The following EBF1 variants were observed in gnomAD, a reference collection of about 807,000 sequenced individuals.
The protein encoded by EBF1 is EBF transcription factor 1, also known as transcription factor COE1.
EBF1 carries 10 observed loss-of-function variants against 68.4 expected under a neutral mutation model. That is an observed-to-expected ratio of 0.15 (90% CI 0.09 to 0.25). The LOEUF is 0.25. Among genes scored for constraint, EBF1 ranks in the 10% least tolerant of loss-of-function variants. The pLI, the probability that EBF1 is intolerant of heterozygous loss-of-function variation, is 1.00. For synonymous variants in EBF1, 298 were observed against 299.8 expected (o/e 0.99, Z 0.06); for missense variants, 509 against 794.4 (o/e 0.64, Z 4.32).
At chr5:159,078,714 C>T (rs1779236147) in intron 5 of EBF1, among the ~76,000 whole-genome samples, 2 of 152,186 alleles carry the variant, frequency 1.3e-5, no homozygotes, top group Admixed American at 1.3e-4. Context: ...CAGTCTCAGG[C>T]GTTGGTAGCC....
chr5:159,068,101 G>A (rs1038720466), intron 6 of EBF1, among the ~76,000 whole-genome samples: 1 of 152,098 alleles, frequency 6.6e-6, no homozygotes, highest in South Asian at 2.1e-4. Context: ...AAAACTGGAT[G>A]AAGACCAAAA....
chr5:158,696,583 C>T lies in EBF1; in HGVS notation c.*2528G>A, dbSNP rs866355607. On this transcript the variant is annotated 3_prime_UTR_variant, in exon 16 of 16. Coordinates refer to ENST00000313708, the MANE Select transcript of EBF1 (RefSeq NM_024007.5). ...CGCTTACCACGCAAATTCAGATAAC[C>T]TTTCTGAGTACCGAGAAGCAATGCG... 1 of 222,446 alleles carries T rather than the reference C, an allele frequency of 4.5e-6. No individual in the cohort carries two copies. The highest frequency in any genetic ancestry group is 5.7e-5 in the Admixed American group (1 of 17,420). The allele number at this position is 222,446 out of a possible 1,614,324, so 13.8% of individuals were successfully genotyped here.
rs1185208920 is a variant in EBF1 at position 158,698,905 on chromosome 5, C to CTT, written c.*204_*205dup. On this transcript the variant is annotated 3_prime_UTR_variant, in exon 16 of 16. Transcript: ENST00000313708. ...TCCCCCAAATACTTGGGAGGTACAACTTTAACCAACACCCTGCACTTGCAG... is the reference window on the plus strand; with the variant it reads ...TCCCCCAAATACTTGGGAGGTACAACTTTTTAACCAACACCCTGCACTTGCAG... The CTT allele has an allele frequency of 2.2e-6, 1 of 452,738 alleles. No individual in the cohort carries two copies. Among genetic ancestry groups the CTT allele is most frequent in the Non-Finnish European group, 3.9e-6 (1 of 254,382 alleles). The allele number at this position is 452,738 out of a possible 1,614,324, so 28.0% of individuals were successfully genotyped here.
intron 5 of EBF1, among the ~76,000 whole-genome samples, chr5:159,075,006 C>T (rs183946709): frequency 5.3e-5 from 8 of 152,324 alleles, no homozygotes; most frequent in African/African-American, 1.9e-4. Context: ...TCCTTCATCC[C>T]TGAACTCTGA....
intron 7 of EBF1, among the ~76,000 whole-genome samples, chr5:158,835,105 T>G (rs1168254234): frequency 6.6e-6 from 1 of 152,194 alleles, no homozygotes; most frequent in Non-Finnish European, 1.5e-5. Flanking sequence ...TGCTAAAAAG[T>G]ATAGGTCTTA....
intron 6 of EBF1, among the ~76,000 whole-genome samples, chr5:159,026,745 A>G (rs968101341): frequency 6.6e-6 from 1 of 152,166 alleles, no homozygotes; most frequent in African/African-American, 2.4e-5. Flanking sequence ...TCAGATCAGC[A>G]GATAGTTGAT....
intron 10 of EBF1, among the ~76,000 whole-genome samples, chr5:158,775,767 C>CACATGCACACAG: frequency 7.5e-6 from 1 of 133,726 alleles, no homozygotes. Context: ...CACACACACA[C>CACATGCACACAG]ACACACATGC....
chr5:159,088,173 A>T (rs1172846341), intron 4 of EBF1, among the ~76,000 whole-genome samples: 1 of 152,120 alleles, frequency 6.6e-6, no homozygotes, highest in Non-Finnish European at 1.5e-5. Flanking sequence ...TGTTAAACAC[A>T]CATACACACA....
intron 4 of EBF1, among the ~76,000 whole-genome samples, chr5:159,092,510 A>G (rs1315130886): frequency 1.3e-5 from 2 of 152,222 alleles, no homozygotes; most frequent in Non-Finnish European, 2.9e-5. Flanking sequence ...CACTTTGAAA[A>G]GGTGTGAAAT....
chr5:158,745,221 G>A (rs1049608663), intron 10 of EBF1, among the ~76,000 whole-genome samples: 1 of 152,056 alleles, frequency 6.6e-6, no homozygotes, highest in Admixed American at 6.6e-5. Flanking sequence ...CAATAACCCC[G>A]GGTCTCCTGA....
chr5:158,961,328 G>GAA (rs58123979), intron 6 of EBF1, among the ~76,000 whole-genome samples: 56,492 of 151,422 alleles, frequency 0.37, 10,835 homozygotes, highest in South Asian at 0.6. Context: ...AAGCTTAAAG[G>GAA]AAAAAAAAAT....
rs59821779 is a variant in EBF1 at position 158,943,331 on chromosome 5, T to TACAC, written c.555-103225_555-103222dup. ...CTTCATTTAGCAAGTGTTTATTGGA[T>TACAC]ACACACACACACACACACACACACA... On this transcript the variant is annotated intron_variant, in intron 6 of 15. Transcript: ENST00000313708. Among the ~76,000 whole-genome samples, 419 of 149,420 alleles carry TACAC rather than the reference T, an allele frequency of 2.8e-3. 2 individuals are homozygous for TACAC. The highest frequency in any genetic ancestry group is 9.5e-3 in the African/African-American group (387 of 40,678).
intron 6 of EBF1, among the ~76,000 whole-genome samples, chr5:159,006,764 C>T (rs1763657320): frequency 6.7e-6 from 1 of 148,916 alleles, no homozygotes; most frequent in South Asian, 2.1e-4. Context: ...CCCAACTATA[C>T]CCAAAAATAC....
intron 6 of EBF1, among the ~76,000 whole-genome samples, chr5:159,044,339 T>C (rs1318051951): frequency 6.6e-6 from 1 of 152,188 alleles, no homozygotes; most frequent in Admixed American, 6.5e-5. Flanking sequence ...CCCAAGTTAA[T>C]GCAGGTGTTG....
At chr5:158,785,110 C>T (rs1269103176) in intron 9 of EBF1, among the ~76,000 whole-genome samples, 1 of 152,116 alleles carries the variant, frequency 6.6e-6, no homozygotes, top group Non-Finnish European at 1.5e-5. Context: ...TTGAGATAGG[C>T]AGGGGGTACT....
chr5:158,798,251 G>T (rs1182609188), intron 8 of EBF1, among the ~76,000 whole-genome samples: 12 of 152,154 alleles, frequency 7.9e-5, no homozygotes, highest in Admixed American at 7.9e-4. Context: ...AGAAGAACAG[G>T]TTATTGGTTT....
intron 6 of EBF1, among the ~76,000 whole-genome samples, chr5:159,051,481 A>T (rs1329809612): frequency 1.6e-5 from 2 of 123,688 alleles, no homozygotes; most frequent in South Asian, 6.0e-4. Context: ...CCCGCTCCAC[A>T]TGTGCGACTC....
intron 6 of EBF1, among the ~76,000 whole-genome samples, chr5:158,878,407 G>A (rs563710195): frequency 1.0e-3 from 157 of 152,218 alleles, no homozygotes; most frequent in African/African-American, 3.7e-3. Context: ...GGTTTCTGGT[G>A]TTATGACTTC....
chr5:158,991,482 C>T (rs10447210), intron 6 of EBF1, among the ~76,000 whole-genome samples: 83,182 of 152,026 alleles, frequency 0.55, 24,310 homozygotes, highest in South Asian at 0.78. Flanking sequence ...AAAAACACTA[C>T]CACATGTTTT....
Sources: allele counts gnomAD v4.1 joint callset (sites outside exome capture counted in the v4.1 genomes callset), GRCh38; gene constraint gnomAD v4.1.1; transcripts MANE v1.5; gene names NCBI Gene and HGNC (gene_info 2026-07-23, HGNC 2026-07-21).